CCDC150: variants seen among roughly 807,000 people sequenced by gnomAD.
CCDC150 encodes the protein coiled-coil domain containing 150, also known as coiled-coil domain-containing protein 150.
CCDC150 carries 151 observed loss-of-function variants against 156.5 expected under a neutral mutation model. The ratio of observed to expected loss-of-function variants is 0.97; its 90% CI spans 0.85 to 1.10. The LOEUF (loss-of-function observed/expected upper bound fraction) is 1.10. CCDC150 is among the 50% of genes least tolerant of loss of function. CCDC150 has a pLI of 0.00. For missense variants in CCDC150, 1,312 were observed against 1,268.1 expected (o/e 1.03, Z -0.53); for synonymous variants, 452 against 429.4 (o/e 1.05, Z -0.65).
At chr2:196,706,265 T>C (rs1696625588) in intron 15 of CCDC150, among the ~76,000 whole-genome samples, 1 of 152,210 alleles carries the variant, frequency 6.6e-6, no homozygotes, top group East Asian at 1.9e-4. Context: ...CCTAGGTATT[T>C]TATTCTCTTT....
At chr2:196,708,244 C>T (rs1163856423) in intron 15 of CCDC150, among the ~76,000 whole-genome samples, 1 of 152,054 alleles carries the variant, frequency 6.6e-6, no homozygotes, top group African/African-American at 2.4e-5. Context: ...TGAATTGATC[C>T]CTTTACCGTT....
Position 196,718,521 on chromosome 2 carries a change from A to T in CCDC150, c.1885A>T (p.Arg629Ter), listed in dbSNP as rs1230065077. ...TACTTAGGTGAAATCTATTCTTGAA[A>T]GAAGTAAAGAGGAGCTGTCCCGAAC... is the stretch of plus-strand genomic sequence containing the variant. ...HLKEVKSILERSKEELSRTVK... is the reference protein window; with the variant it reads ...HLKEVKSILE The change falls in exon 18 of 28, where the codon AGA becomes TGA. Residue 629 changes from arginine to a stop codon, truncating the protein, a stop_gained. Transcript: ENST00000389175. LOFTEE classifies it high-confidence loss of function. 4 of 1,611,184 alleles carry T rather than the reference A, an allele frequency of 2.5e-6. No homozygotes were observed. The highest frequency in any genetic ancestry group is 2.5e-6 in the Non-Finnish European group (3 of 1,178,396).
chr2:196,721,499 G>A (rs914475380), intron 20 of CCDC150, 23 bp from the exon 21 acceptor site: 1 of 1,576,176 alleles, frequency 6.3e-7, no homozygotes, highest in Non-Finnish European at 8.6e-7. Flanking sequence ...CAGTGGAATT[G>A]AAAACATGCT....
intron 2 of CCDC150, among the ~76,000 whole-genome samples, chr2:196,648,240 A>C (rs777709213): frequency 1.3e-5 from 2 of 152,102 alleles, no homozygotes; most frequent in Non-Finnish European, 2.9e-5. Flanking sequence ...GGCTATACTA[A>C]TTTGCATTCC....
chr2:196,641,219 T>C (rs1380108725), intron 1 of CCDC150, among the ~76,000 whole-genome samples: 2 of 152,114 alleles, frequency 1.3e-5, no homozygotes, highest in East Asian at 3.9e-4. Context: ...CCTCTTGATC[T>C]GCCCGCCTCG....
At chr2:196,654,366 A>G (rs1018411998) in intron 2 of CCDC150, among the ~76,000 whole-genome samples, 14 of 151,502 alleles carry the variant, frequency 9.2e-5, no homozygotes, top group African/African-American at 2.9e-4. Context: ...TCTTTCTGCA[A>G]TTTTGATGAT....
chr2:196,723,715 T>G (rs1335444932), intron 21 of CCDC150, among the ~76,000 whole-genome samples: 2 of 151,856 alleles, frequency 1.3e-5, no homozygotes, highest in Non-Finnish European at 2.9e-5. Context: ...CACAAGTGAG[T>G]CAGATGCTGC....
chr2:196,663,607 G>A (rs1693677387), intron 5 of CCDC150, among the ~76,000 whole-genome samples: 1 of 152,046 alleles, frequency 6.6e-6, no homozygotes. Flanking sequence ...GTTCAGGAGA[G>A]CAGTATTTAC....
At chr2:196,699,764 C>T (rs1020629222) in intron 14 of CCDC150, among the ~76,000 whole-genome samples, 1 of 152,190 alleles carries the variant, frequency 6.6e-6, no homozygotes, top group African/African-American at 2.4e-5. Flanking sequence ...AAGTGATTCT[C>T]CCACCTCAGC....
chr2:196,693,428 T>C (rs1052577166), intron 13 of CCDC150, among the ~76,000 whole-genome samples: 4 of 152,256 alleles, frequency 2.6e-5, no homozygotes, highest in Non-Finnish European at 5.9e-5. Context: ...CTGTTTTAAA[T>C]GGCATTTTAA....
intron 13 of CCDC150, among the ~76,000 whole-genome samples, chr2:196,680,786 A>T (rs1694772256): frequency 6.6e-6 from 1 of 152,168 alleles, no homozygotes; most frequent in Admixed American, 6.5e-5. Context: ...TATCATTTTG[A>T]GAAACTGCCA....
At chr2:196,691,281 G>T (rs1008762008) in intron 13 of CCDC150, among the ~76,000 whole-genome samples, 1 of 152,192 alleles carries the variant, frequency 6.6e-6, no homozygotes, top group African/African-American at 2.4e-5. Context: ...CAGTAGAAAT[G>T]GTACCAGCTC....
rs1047056478 is a variant in CCDC150, at chr2:196,729,725, A to G, written c.2752-68A>G. ...CATATTGGATTCTTTCTGTCATCCT[A>G]TAGGCAAAAAGAGCAAGCCAGTTTT... On this transcript the variant is annotated intron_variant, in intron 23 of 27. Coordinates refer to ENST00000389175, the MANE Select transcript of CCDC150 (RefSeq NM_001080539.2). 33 of 1,044,230 alleles carry G rather than the reference A, an allele frequency of 3.2e-5. No homozygotes were observed. The East Asian group carries it at 7.7e-4, about 24-fold the overall frequency. The allele number at this position is 1,044,230 out of a possible 1,614,324, so 64.7% of individuals were successfully genotyped here.
rs1288246384 is a variant in CCDC150 at position 196,657,130 on chromosome 2, G to T, written c.570G>T (p.Gln190His). ...CTGCCACTCTGAAGATTGCCTCGCAGACAAAGGTTTGAGTCTAAGAGTTCT... is the reference window on the plus strand; with the variant it reads ...CTGCCACTCTGAAGATTGCCTCGCATACAAAGGTTTGAGTCTAAGAGTTCT... ...RLTATLKIAS[Q>H]TKKNAAIIEE... The change falls in exon 4 of 28, where the codon CAG becomes CAT. Residue 190 changes from glutamine (Q) to histidine (H), a missense_variant. Transcript: ENST00000389175. The T allele has an allele frequency of 6.2e-7, 1 of 1,613,508 alleles. No individual in the cohort carries two copies. Among genetic ancestry groups the T allele is most frequent in the Non-Finnish European group, 8.5e-7 (1 of 1,179,668 alleles).
At chr2:196,719,322 C>T in intron 18 of CCDC150, 175 bp from the exon 19 acceptor site, 2 of 471,908 alleles carry the variant, frequency 4.2e-6, no homozygotes, top group Non-Finnish European at 3.5e-6. Context: ...TTCTTTTTCT[C>T]AACAATAACT....
chr2:196,650,037 G>A (rs1692783624), intron 2 of CCDC150, among the ~76,000 whole-genome samples: 1 of 152,070 alleles, frequency 6.6e-6, no homozygotes, highest in African/African-American at 2.4e-5. Context: ...ACAGTACATT[G>A]AATAGAATTG....
chr2:196,665,431 G>A (rs889305710), intron 5 of CCDC150, 136 bp from the exon 6 acceptor site: 9 of 435,014 alleles, frequency 2.1e-5, no homozygotes, highest in African/African-American at 1.7e-4. Context: ...ACAAAAGCTT[G>A]TTTCTGAGTA....
chr2:196,720,112 C>T (rs1333086801), intron 19 of CCDC150: 2 of 402,846 alleles, frequency 5.0e-6, no homozygotes, highest in Non-Finnish European at 1.0e-5. Context: ...CACTTCTAGC[C>T]ATGTTTTATA....
chr2:196,685,088 T>C (rs1327650933), intron 13 of CCDC150, among the ~76,000 whole-genome samples: 1 of 152,144 alleles, frequency 6.6e-6, no homozygotes, highest in Non-Finnish European at 1.5e-5. Flanking sequence ...ATTTTGCTTT[T>C]TTTGTTTCGT....
Sources: allele counts gnomAD v4.1 joint callset (sites outside exome capture counted in the v4.1 genomes callset), GRCh38; gene constraint gnomAD v4.1.1; transcripts MANE v1.5; gene names NCBI Gene and HGNC (gene_info 2026-07-23, HGNC 2026-07-21).